The following MORC1 variants were observed in gnomAD, a reference collection of about 807,000 sequenced individuals.
MORC1 encodes MORC family CW-type zinc finger 1.
Under a neutral mutation model 134.9 loss-of-function variants are expected in MORC1, and 59 were observed. The ratio of observed to expected loss-of-function variants is 0.44; its 90% CI spans 0.35 to 0.54. The LOEUF (loss-of-function observed/expected upper bound fraction) is 0.54. Among genes scored for constraint, MORC1 ranks in the 20% least tolerant of loss-of-function variants. The pLI is 0.00. For missense variants in MORC1, 947 were observed against 1,134.5 expected (o/e 0.83, Z 2.37); for synonymous variants, 395 against 391.7 (o/e 1.01, Z -0.10).
At chr3:109,031,057 T>C (rs1949230494) in intron 16 of MORC1, among the ~76,000 whole-genome samples, 1 of 152,190 alleles carries the variant, frequency 6.6e-6, no homozygotes, top group South Asian at 2.1e-4. Flanking sequence ...TCTGAGGTGG[T>C]ACTGTTACTT....
At chr3:109,046,832 T>C (rs1464309200) in intron 14 of MORC1, among the ~76,000 whole-genome samples, 1 of 152,186 alleles carries the variant, frequency 6.6e-6, no homozygotes, top group African/African-American at 2.4e-5. Context: ...AGCTACCTAT[T>C]TTTCTTGTTT....
chr3:109,107,182 G>A (rs140127812), intron 3 of MORC1, among the ~76,000 whole-genome samples: 1 of 152,038 alleles, frequency 6.6e-6, no homozygotes, highest in Non-Finnish European at 1.5e-5. Flanking sequence ...GTTCATATCA[G>A]ACTTCTTTTA....
rs534106670 is a variant in MORC1, at chr3:108,990,965, T to C, written c.2188-4016A>G. Among the ~76,000 whole-genome samples, 241 of 152,158 alleles carry C rather than the reference T, an allele frequency of 1.6e-3. 2 individuals carry two copies. The highest frequency in any genetic ancestry group is 5.5e-3 in the African/African-American group (230 of 41,500). Reference sequence around the variant, plus strand: ...TTTTCTTCACAGAATTTATATGACCTGATATTATATTACATATTTATACTT... The same window carrying C: ...TTTTCTTCACAGAATTTATATGACCCGATATTATATTACATATTTATACTT... On this transcript the variant is annotated intron_variant, in intron 21 of 27. Transcript: ENST00000232603.
intron 8 of MORC1, among the ~76,000 whole-genome samples, chr3:109,091,321 GTAA>G (rs1950719492): frequency 6.6e-6 from 1 of 151,924 alleles, no homozygotes; most frequent in Admixed American, 6.6e-5. Context: ...GCACATGCCT[GTAA>G]TCCCAGCTAC....
intron 14 of MORC1, chr3:109,049,011 C>T: frequency 3.6e-6 from 1 of 276,426 alleles, no homozygotes; most frequent in Middle Eastern, 1.8e-3. Context: ...AAAACGGGTA[C>T]ATACATAAAA....
chr3:109,113,670 GA>G lies in MORC1; in HGVS notation c.119+713del, dbSNP rs113385120. Among the ~76,000 whole-genome samples the G allele has an allele frequency of 5.8e-3, 796 of 137,636 alleles. 4 individuals are homozygous for G. The highest frequency in any genetic ancestry group is 0.016 in the African/African-American group (608 of 37,666). 90.3% of individuals were successfully genotyped at this position (137,636 alleles called of 152,430 possible). Reference sequence around the variant, plus strand: ...GTCAAATGCTTTATTCAATTTAACTGAAAAAAAAAAAAATGAAGCCCCTCAC... The same window carrying G: ...GTCAAATGCTTTATTCAATTTAACTGAAAAAAAAAAAATGAAGCCCCTCAC... On this transcript the variant is annotated intron_variant, in intron 2 of 27. Coordinates refer to ENST00000232603, the MANE Select transcript of MORC1 (RefSeq NM_014429.4).
At chr3:108,968,477 G>T (rs1166099029) in intron 26 of MORC1, among the ~76,000 whole-genome samples, 1 of 152,178 alleles carries the variant, frequency 6.6e-6, no homozygotes, top group Non-Finnish European at 1.5e-5. Flanking sequence ...CTAGTTGTAT[G>T]TCTTTTGGGA....
In MORC1 at chr3:109,035,489, C is replaced by T. The variant is rs201285516; in HGVS notation, c.1331-21G>A. 1.9e-4 allele frequency: 253 copies of T among 1,332,686 alleles called. No individual in the cohort carries two copies. In the African/African-American group the frequency reaches 3.6e-3, roughly 19 times the overall value. The allele number at this position is 1,332,686 out of a possible 1,614,324, so 82.6% of individuals were successfully genotyped here. A position where few individuals can be genotyped will look rare whatever the true frequency, so the allele number is the denominator to read the frequency against. On this transcript the variant is annotated intron_variant, in intron 14 of 27. Coordinates refer to ENST00000232603, the MANE Select transcript of MORC1 (RefSeq NM_014429.4). The stretch of plus-strand genomic sequence containing the variant: ...ATTATCTTTTAAAAAAAAAAGCAGG[C>T]AAAGAATAACAAAAAAAAATCATTA...
chr3:108,961,481 T>G lies in MORC1; in HGVS notation c.2799+1933A>C, dbSNP rs187887063. Among the ~76,000 whole-genome samples, 418 of 152,238 alleles carry G rather than the reference T, an allele frequency of 2.7e-3. 1 individual carries two copies. Among genetic ancestry groups the G allele is most frequent in the Non-Finnish European group, 4.0e-3 (272 of 67,950 alleles). The stretch of plus-strand genomic sequence containing the variant: ...CTGGTGGAATAAACTTCTTCCAGGA[T>G]GCTACATTATTTCCACACTCGGCTT... On this transcript the variant is annotated intron_variant, in intron 27 of 27. Transcript: ENST00000232603.
At chr3:109,087,889 A>G (rs1353227041) in intron 8 of MORC1, among the ~76,000 whole-genome samples, 1 of 152,108 alleles carries the variant, frequency 6.6e-6, no homozygotes, top group Non-Finnish European at 1.5e-5. Flanking sequence ...ACATAGATCA[A>G]TGAAACAGAA....
At chr3:108,990,129 A>G (rs1449213395) in intron 21 of MORC1, among the ~76,000 whole-genome samples, 3 of 152,164 alleles carry the variant, frequency 2.0e-5, no homozygotes, top group Non-Finnish European at 2.9e-5. Context: ...CTCCCCAGCC[A>G]TGTGGAATCT....
intron 8 of MORC1, among the ~76,000 whole-genome samples, chr3:109,070,673 T>TG (rs750856191): frequency 1.1e-3 from 173 of 151,074 alleles, no homozygotes; most frequent in Non-Finnish European, 1.8e-3. Context: ...ACAAAGATGA[T>TG]GGGAAAAAAA....
chr3:109,039,427 C>G (rs116486402), intron 14 of MORC1, among the ~76,000 whole-genome samples: 4,771 of 152,178 alleles, frequency 0.031, 234 homozygotes, highest in African/African-American at 0.11. Context: ...TGAAGGCACA[C>G]TAAAAACTAT....
intron 21 of MORC1, among the ~76,000 whole-genome samples, chr3:108,987,804 G>A (rs1947935975): frequency 6.6e-6 from 1 of 151,992 alleles, no homozygotes; most frequent in Admixed American, 6.6e-5. Flanking sequence ...GTTTATGCCT[G>A]CGGGGAAAGA....
At chr3:108,997,417 A>C (rs1948263993) in intron 21 of MORC1, among the ~76,000 whole-genome samples, 1 of 151,952 alleles carries the variant, frequency 6.6e-6, no homozygotes, top group Admixed American at 6.6e-5. Context: ...AATTCCAGCT[A>C]CTCGGGAGGC....
chr3:109,098,752 A>C (rs1950873433), intron 6 of MORC1, among the ~76,000 whole-genome samples: 1 of 152,152 alleles, frequency 6.6e-6, no homozygotes, highest in Non-Finnish European at 1.5e-5. Context: ...TTTGTGATAA[A>C]GCTGAAGACT....
At chr3:109,115,562 A>T (rs932802316) in intron 1 of MORC1, among the ~76,000 whole-genome samples, 2 of 152,254 alleles carry the variant, frequency 1.3e-5, no homozygotes, top group Non-Finnish European at 2.9e-5. Context: ...TATGCTTTAC[A>T]AAATCAGGAC....
intron 8 of MORC1, among the ~76,000 whole-genome samples, chr3:109,073,778 G>T (rs1050552969): frequency 1.4e-4 from 21 of 152,178 alleles, no homozygotes; most frequent in Middle Eastern, 6.8e-3. Context: ...AATTAACAGG[G>T]TTTGTATTAT....
chr3:109,052,890 C>T (rs1285311442), intron 14 of MORC1, among the ~76,000 whole-genome samples: 2 of 151,934 alleles, frequency 1.3e-5, no homozygotes, highest in African/African-American at 4.8e-5. Flanking sequence ...GTCTAATACC[C>T]AGAATCTATA....
Sources: gnomAD v4.1 joint callset for allele counts (sites outside exome capture counted in the v4.1 genomes callset) on GRCh38, gnomAD v4.1.1 for gene constraint, MANE v1.5 for transcripts, NCBI Gene and HGNC (gene_info 2026-07-23, HGNC 2026-07-21) for gene names.